Variants in CFAP299 observed in about 807,000 individuals in gnomAD.
CFAP299 encodes cilia and flagella associated protein 299.
A neutral mutation model predicts 27.0 loss-of-function variants in CFAP299; 21 were observed. The observed-to-expected ratio is 0.78, with a 90% confidence interval of 0.55 to 1.12. The LOEUF (loss-of-function observed/expected upper bound fraction) is 1.12, where lower values mean the gene tolerates loss of function less well. Ranked by LOEUF, CFAP299 falls within the 50% of genes most tolerant of loss-of-function variation. CFAP299 has a pLI of 0.00. For synonymous variants in CFAP299, 104 were observed against 98.1 expected, an observed-to-expected ratio of 1.06 and a Z score of -0.36; for missense variants, 310 against 276.6, an observed-to-expected ratio of 1.12 and a Z score of -0.86.
the CFAP299 span, among the ~76,000 whole-genome samples, chr4:80,330,416 C>A: frequency 1.3e-4 from 20 of 152,204 alleles, 1 homozygote; most frequent in Admixed American, 1.2e-3. Context: ...TTTTAACTTG[C>A]CCTTCCATTT....
At chr4:80,649,980 AT>A (rs922332722) in intron 3 of CFAP299, among the ~76,000 whole-genome samples, 7 of 151,794 alleles carry the variant, frequency 4.6e-5, no homozygotes, top group African/African-American at 1.4e-4. Flanking sequence ...ATTTTATTTT[AT>A]TTTTTTTCAA....
chr4:80,796,210 A>G (rs563429401), intron 3 of CFAP299, among the ~76,000 whole-genome samples: 2 of 152,306 alleles, frequency 1.3e-5, no homozygotes, highest in African/African-American at 4.8e-5. Flanking sequence ...GCAGCAATTT[A>G]TTCTTCACCT....
intron 4 of CFAP299, among the ~76,000 whole-genome samples, chr4:80,925,667 C>T (rs1356304446): frequency 1.3e-5 from 2 of 151,704 alleles, no homozygotes; most frequent in African/African-American, 4.8e-5. Flanking sequence ...ACCTCAATCT[C>T]TTAGTGAAAA....
chr4:80,583,261 T>C (rs1027889029), intron 3 of CFAP299, 78 bp downstream of exon 3: 1 of 759,996 alleles, frequency 1.3e-6, no homozygotes, highest in African/African-American at 1.8e-5. Context: ...ACATTAAATA[T>C]CTTTCTTAAA....
At chr4:80,661,940 C>A (rs1577987867) in intron 3 of CFAP299, among the ~76,000 whole-genome samples, 1 of 152,212 alleles carries the variant, frequency 6.6e-6, no homozygotes, top group South Asian at 2.1e-4. Context: ...AAAATAAGCC[C>A]CAGTCTCCCA....
At chr4:80,588,249 T>A (rs1330880438) in intron 3 of CFAP299, among the ~76,000 whole-genome samples, 1 of 150,788 alleles carries the variant, frequency 6.6e-6, no homozygotes, top group East Asian at 1.9e-4. Context: ...TCAAGGAGGG[T>A]ACAGGTGGGA....
At chr4:80,861,201 G>A (rs543276123) in intron 3 of CFAP299, among the ~76,000 whole-genome samples, 1 of 152,292 alleles carries the variant, frequency 6.6e-6, no homozygotes, top group South Asian at 2.1e-4. Flanking sequence ...CGTGGGTGTA[G>A]GACCCTCCGA....
At chr4:80,362,058 C>T (rs77442732) in intron 1 of CFAP299, among the ~76,000 whole-genome samples, 1 of 150,360 alleles carries the variant, frequency 6.7e-6, no homozygotes, top group Non-Finnish European at 1.5e-5. Context: ...ATGCAACTGA[C>T]AAAGATGTAT....
At chr4:80,658,184 C>T (rs1397157565) in intron 3 of CFAP299, among the ~76,000 whole-genome samples, 7 of 152,116 alleles carry the variant, frequency 4.6e-5, no homozygotes, top group Admixed American at 3.3e-4. Flanking sequence ...CAAACAGGGA[C>T]AATTTGACTT....
At chr4:80,574,017 A>G (rs1052694587) in intron 2 of CFAP299, among the ~76,000 whole-genome samples, 10 of 152,182 alleles carry the variant, frequency 6.6e-5, no homozygotes, top group African/African-American at 2.2e-4. Flanking sequence ...ATTTTTATAT[A>G]GATTGCATTG....
chr4:80,903,645 A>G (rs1198163729), intron 4 of CFAP299, among the ~76,000 whole-genome samples: 2 of 152,106 alleles, frequency 1.3e-5, no homozygotes, highest in African/African-American at 4.8e-5. Flanking sequence ...TATAAGGACA[A>G]ATACAGATAT....
At chr4:80,800,551 A>AATATATTATATAATATATTAATATAAAT (rs1728479638) in intron 3 of CFAP299, among the ~76,000 whole-genome samples, 1 of 30,062 alleles carries the variant, frequency 3.3e-5, no homozygotes, top group South Asian at 1.0e-3. Context: ...ATAATATATC[A>AATATATTATATAATATATTAATATAAAT]ATATATTATA....
At chr4:80,653,814 T>C (rs1203425216) in intron 3 of CFAP299, among the ~76,000 whole-genome samples, 1 of 152,190 alleles carries the variant, frequency 6.6e-6, no homozygotes, top group East Asian at 1.9e-4. Flanking sequence ...AAAATTTTCA[T>C]AGTCTTAAGA....
intron 2 of CFAP299, among the ~76,000 whole-genome samples, chr4:80,376,486 G>A (rs1724416065): frequency 6.6e-6 from 1 of 152,104 alleles, no homozygotes. Context: ...ATAAGATACT[G>A]TTAAATTGTT....
At chr4:80,457,637 C>T (rs1729231209) in intron 2 of CFAP299, among the ~76,000 whole-genome samples, 1 of 152,156 alleles carries the variant, frequency 6.6e-6, no homozygotes, top group South Asian at 2.1e-4. Context: ...TGAGCCAACA[C>T]TATTTTGCCT....
At chr4:80,628,166 A>G (rs1010849125) in intron 3 of CFAP299, among the ~76,000 whole-genome samples, 5 of 152,164 alleles carry the variant, frequency 3.3e-5, no homozygotes, top group African/African-American at 9.6e-5. Flanking sequence ...TAGAGAGCAC[A>G]GAAATAAATC....
chr4:80,723,370 A>G (rs1192867914), intron 3 of CFAP299, among the ~76,000 whole-genome samples: 1 of 152,198 alleles, frequency 6.6e-6, no homozygotes, highest in East Asian at 1.9e-4. Context: ...GCTAAAGGAT[A>G]AAAAAGCAGT....
intron 3 of CFAP299, among the ~76,000 whole-genome samples, chr4:80,595,813 T>C (rs1369778242): frequency 6.6e-6 from 1 of 152,188 alleles, no homozygotes. Flanking sequence ...ACATATTTTC[T>C]GGTGTGTTTT....
At chr4:80,525,205 T>C (rs1733111332) in intron 2 of CFAP299, among the ~76,000 whole-genome samples, 1 of 152,130 alleles carries the variant, frequency 6.6e-6, no homozygotes. Flanking sequence ...TTTGCCATAT[T>C]GTGTTGGTTA....
Sources: gnomAD v4.1 joint callset for allele counts (sites outside exome capture counted in the v4.1 genomes callset) on GRCh38, gnomAD v4.1.1 for gene constraint, MANE v1.5 for transcripts, NCBI Gene and HGNC (gene_info 2026-07-23, HGNC 2026-07-21) for gene names.